Variants in LRP1B observed in about 807,000 individuals in gnomAD.
The protein encoded by LRP1B is low-density lipoprotein receptor-related protein 1B.
LRP1B carries 217 observed loss-of-function variants against 556.6 expected under a neutral mutation model. That is an observed-to-expected ratio of 0.39 (90% confidence interval 0.35 to 0.44). The LOEUF (loss-of-function observed/expected upper bound fraction) is 0.44. Ranked by LOEUF, LRP1B falls within the 20% of genes least tolerant of loss-of-function variation. The probability of loss-of-function intolerance (pLI) is 1.00; values close to 1 mark genes in which losing one functional copy is unlikely to be tolerated. For missense variants in LRP1B, 5,053 were observed against 5,620.8 expected (o/e 0.90, Z 3.23); for synonymous variants, 2,047 against 1,865.8 (o/e 1.10, Z -2.50).
chr2:141,633,202 C>T (rs1369308787), intron 2 of LRP1B, among the ~76,000 whole-genome samples: 1 of 152,096 alleles, frequency 6.6e-6, no homozygotes, highest in Non-Finnish European at 1.5e-5. Flanking sequence ...AAGGAGAAAG[C>T]TTTTCAAATC....
chr2:140,647,705 C>T (rs1318932399), intron 41 of LRP1B, among the ~76,000 whole-genome samples: 1 of 152,102 alleles, frequency 6.6e-6, no homozygotes, highest in Non-Finnish European at 1.5e-5. Flanking sequence ...TCATCACAGG[C>T]CATCAGAGAA....
intron 3 of LRP1B, among the ~76,000 whole-genome samples, chr2:141,348,951 T>C (rs1161100536): frequency 6.6e-6 from 1 of 152,026 alleles, no homozygotes; most frequent in African/African-American, 2.4e-5. Context: ...CTGCCATCCA[T>C]GTATGATGTG....
chr2:140,994,180 G>T (rs1697175516), intron 15 of LRP1B, 45 bp from the exon 16 acceptor site: 4 of 1,537,962 alleles, frequency 2.6e-6, no homozygotes, highest in Non-Finnish European at 3.6e-6. Flanking sequence ...GCTAGCTACA[G>T]TCAGTCCATT....
intron 41 of LRP1B, among the ~76,000 whole-genome samples, chr2:140,688,413 C>T (rs937193885): frequency 3.4e-4 from 51 of 152,028 alleles, no homozygotes; most frequent in African/African-American, 1.2e-3. Context: ...GGATAAACCA[C>T]ATGTGATTAT....
intron 7 of LRP1B, among the ~76,000 whole-genome samples, chr2:141,166,751 T>C (rs904997834): frequency 5.9e-5 from 9 of 152,104 alleles, no homozygotes; most frequent in African/African-American, 2.2e-4. Flanking sequence ...GTATGTGCAG[T>C]TGTCTTCATC....
At chr2:140,277,120 A>G (rs1386762663) in intron 84 of LRP1B, among the ~76,000 whole-genome samples, 1 of 151,802 alleles carries the variant, frequency 6.6e-6, no homozygotes, top group African/African-American at 2.4e-5. Context: ...AAAAGACCCA[A>G]ATAACTAGAA....
chr2:140,940,939 G>A (rs1199540824), intron 20 of LRP1B, among the ~76,000 whole-genome samples: 2 of 152,074 alleles, frequency 1.3e-5, no homozygotes, highest in Non-Finnish European at 2.9e-5. Context: ...TCTGTTTCTT[G>A]ACTTTTTAAG....
At chr2:141,960,548 T>C (rs1255385562) in intron 1 of LRP1B, among the ~76,000 whole-genome samples, 3 of 151,898 alleles carry the variant, frequency 2.0e-5, no homozygotes, top group African/African-American at 7.2e-5. Flanking sequence ...TAAATGTTTT[T>C]CAAAGTTTCT....
chr2:141,725,127 G>A (rs1692979959), intron 2 of LRP1B, among the ~76,000 whole-genome samples: 1 of 151,698 alleles, frequency 6.6e-6, no homozygotes, highest in Non-Finnish European at 1.5e-5. Context: ...TATGTAATTG[G>A]GAATTTTTGA....
At chr2:140,912,739 T>G (rs1694459968) in intron 21 of LRP1B, among the ~76,000 whole-genome samples, 1 of 151,598 alleles carries the variant, frequency 6.6e-6, no homozygotes, top group South Asian at 2.1e-4. Flanking sequence ...CAGCAAATTT[T>G]TTAAAAAAAA....
At chr2:141,235,410 A>G (rs2105306496) in intron 5 of LRP1B, among the ~76,000 whole-genome samples, 1 of 152,230 alleles carries the variant, frequency 6.6e-6, no homozygotes, top group South Asian at 2.1e-4. Flanking sequence ...TCTTTCATAA[A>G]AGACGTATCA....
At chr2:142,005,901 A>AG (rs111363463) in intron 1 of LRP1B, among the ~76,000 whole-genome samples, 4,584 of 151,730 alleles carry the variant, frequency 0.03, 186 homozygotes, top group East Asian at 0.16. Flanking sequence ...AAAAAAAGAA[A>AG]AAAAAAAGAA....
intron 2 of LRP1B, among the ~76,000 whole-genome samples, chr2:141,553,353 A>G (rs1181703712): frequency 6.6e-6 from 1 of 151,924 alleles, no homozygotes; most frequent in Non-Finnish European, 1.5e-5. Context: ...AAATATCAGT[A>G]TCAAAGGCAA....
intron 66 of LRP1B, among the ~76,000 whole-genome samples, chr2:140,392,933 T>A (rs1684085930): frequency 9.3e-6 from 1 of 107,790 alleles, no homozygotes; most frequent in Admixed American, 8.5e-5. Context: ...CATATATAAC[T>A]TTTTTTTTTT....
At chr2:141,784,276 T>A (rs1695354563) in intron 2 of LRP1B, among the ~76,000 whole-genome samples, 1 of 151,918 alleles carries the variant, frequency 6.6e-6, no homozygotes, top group South Asian at 2.1e-4. Context: ...GGCAAGACAT[T>A]TAGTATTTAT....
intron 3 of LRP1B, among the ~76,000 whole-genome samples, chr2:141,300,220 G>A (rs1427725762): frequency 1.3e-5 from 2 of 152,144 alleles, no homozygotes; most frequent in Non-Finnish European, 2.9e-5. Flanking sequence ...GCAGTCTATG[G>A]TACTCTGTGA....
chr2:141,695,141 TTA>T (rs1234363584), intron 2 of LRP1B, among the ~76,000 whole-genome samples: 1 of 151,996 alleles, frequency 6.6e-6, no homozygotes, highest in African/African-American at 2.4e-5. Context: ...TTTCCCATAC[TTA>T]TCTTTATTAA....
chr2:140,770,590 G>C (rs1306878771), intron 34 of LRP1B, among the ~76,000 whole-genome samples: 2 of 151,762 alleles, frequency 1.3e-5, no homozygotes, highest in Non-Finnish European at 2.9e-5. Flanking sequence ...TATAATTTTT[G>C]CCTATTCAGG....
chr2:141,113,076 CTA>C (rs1700795693), intron 7 of LRP1B, among the ~76,000 whole-genome samples: 1 of 152,118 alleles, frequency 6.6e-6, no homozygotes, highest in African/African-American at 2.4e-5. Flanking sequence ...AACCTTCTCT[CTA>C]TAAAGTTGTT....
Sources: gnomAD v4.1 joint callset for allele counts (sites outside exome capture counted in the v4.1 genomes callset) on GRCh38, gnomAD v4.1.1 for gene constraint, MANE v1.5 for transcripts, NCBI Gene and HGNC (gene_info 2026-07-23, HGNC 2026-07-21) for gene names.